ADK: variants seen among roughly 807,000 people sequenced by gnomAD.
ADK encodes the protein adenosine kinase.
ADK carries 24 observed loss-of-function variants against 44.7 expected under a neutral mutation model. The observed-to-expected ratio is 0.54, with a 90% confidence interval of 0.39 to 0.76. The LOEUF is 0.76. Ranked by LOEUF, ADK falls within the 30% of genes least tolerant of loss-of-function variation. The pLI is 0.00. For missense variants in ADK, 321 were observed against 425.1 expected (o/e 0.76, Z 2.15); for synonymous variants, 128 against 142.6 (o/e 0.90, Z 0.73).
chr10:74,410,050 A>G (rs1360885457), intron 6 of ADK, among the ~76,000 whole-genome samples: 1 of 152,188 alleles, frequency 6.6e-6, no homozygotes, highest in African/African-American at 2.4e-5. Context: ...CATCTAAGAA[A>G]TCATATGTTT....
intron 7 of ADK, 77 bp from the exon 8 acceptor site, chr10:74,589,201 CTGAA>C (rs1204758085): frequency 3.4e-5 from 43 of 1,258,924 alleles, no homozygotes; most frequent in Admixed American, 1.0e-4. Flanking sequence ...AAGAAGAAGA[CTGAA>C]TGAGTTTCAA....
chr10:74,643,638 T>C (rs1339600352), intron 9 of ADK, among the ~76,000 whole-genome samples: 1 of 152,224 alleles, frequency 6.6e-6, no homozygotes, highest in Admixed American at 6.5e-5. Flanking sequence ...TGGTTTTAAT[T>C]TCCTGCTTGC....
chr10:74,423,180 T>C (rs921138412), intron 6 of ADK, among the ~76,000 whole-genome samples: 1 of 151,840 alleles, frequency 6.6e-6, no homozygotes, highest in Non-Finnish European at 1.5e-5. Flanking sequence ...GGGGAGGAAA[T>C]GGGAAGAGCA....
chr10:74,528,049 C>A, intron 7 of ADK: 1 of 950,854 alleles, frequency 1.1e-6, no homozygotes, highest in South Asian at 1.3e-5. Flanking sequence ...CCAGAGTAAA[C>A]TCTTAAGATA....
At chr10:74,300,255 C>CCTTGT (rs1839963965) in intron 3 of ADK, among the ~76,000 whole-genome samples, 2 of 85,990 alleles carry the variant, frequency 2.3e-5, no homozygotes, top group African/African-American at 4.3e-5. Flanking sequence ...TCTCTCTCTC[C>CCTTGT]TTGTTTCCTT....
At chr10:74,301,438 C>T (rs532425027) in intron 3 of ADK, among the ~76,000 whole-genome samples, 10 of 147,826 alleles carry the variant, frequency 6.8e-5, no homozygotes, top group South Asian at 2.1e-4. Context: ...CGCTTGAACC[C>T]GGGAGGCGGA....
chr10:74,545,105 T>C (rs1564784749), intron 7 of ADK, among the ~76,000 whole-genome samples: 1 of 152,210 alleles, frequency 6.6e-6, no homozygotes, highest in Non-Finnish European at 1.5e-5. Flanking sequence ...ATTCTACTTT[T>C]TCCTTTTAGT....
intron 9 of ADK, among the ~76,000 whole-genome samples, chr10:74,652,955 G>A (rs948669681): frequency 3.9e-5 from 6 of 152,244 alleles, no homozygotes; most frequent in Non-Finnish European, 5.9e-5. Flanking sequence ...AGAAATGTAC[G>A]ATCAATTCAT....
At chr10:74,372,130 C>T (rs1199599199) in intron 4 of ADK, 3 of 749,718 alleles carry the variant, frequency 4.0e-6, no homozygotes, top group Non-Finnish European at 2.4e-6. Flanking sequence ...GAATTCATGC[C>T]TGATCTCTAC....
intron 9 of ADK, among the ~76,000 whole-genome samples, chr10:74,657,657 C>A (rs1854536010): frequency 6.6e-6 from 1 of 152,082 alleles, no homozygotes; most frequent in African/African-American, 2.4e-5. Flanking sequence ...AAGTTAAAAT[C>A]TAGTAGGAAT....
At chr10:74,460,268 A>G (rs1483957068) in intron 6 of ADK, among the ~76,000 whole-genome samples, 1 of 152,176 alleles carries the variant, frequency 6.6e-6, no homozygotes, top group Non-Finnish European at 1.5e-5. Context: ...GTATACCAAA[A>G]CATCCTCTTG....
At chr10:74,527,379 A>C (rs1019288510) in intron 7 of ADK, among the ~76,000 whole-genome samples, 32 of 152,042 alleles carry the variant, frequency 2.1e-4, no homozygotes, top group African/African-American at 7.5e-4. Flanking sequence ...AAACAAAAAA[A>C]AAAAAACATA....
At chr10:74,689,741 A>G (rs997279656) in intron 10 of ADK, among the ~76,000 whole-genome samples, 6 of 152,238 alleles carry the variant, frequency 3.9e-5, no homozygotes, top group African/African-American at 1.4e-4. Flanking sequence ...AGCCTGGGAC[A>G]TAACCTGTTT....
At chr10:74,431,264 A>G (rs1844988301) in intron 6 of ADK, among the ~76,000 whole-genome samples, 1 of 152,166 alleles carries the variant, frequency 6.6e-6, no homozygotes, top group Admixed American at 6.5e-5. Context: ...ACCAGGTTCC[A>G]AGAGAATGAT....
chr10:74,155,409 G>A (rs1028272929), intron 1 of ADK, among the ~76,000 whole-genome samples: 5 of 152,086 alleles, frequency 3.3e-5, no homozygotes, highest in African/African-American at 1.2e-4. Context: ...GGATTCCTTG[G>A]CTTCCCAAAG....
chr10:74,647,749 A>C (rs541638016), intron 9 of ADK, among the ~76,000 whole-genome samples: 40 of 152,318 alleles, frequency 2.6e-4, no homozygotes, highest in Admixed American at 2.3e-3. Flanking sequence ...TTAGGGAGTA[A>C]TCGATAAACT....
rs140458084 is a variant in ADK, at chr10:74,635,583, A to G, written c.878-34600A>G. Among the ~76,000 whole-genome samples the G allele has an allele frequency of 5.3e-4, 81 of 152,264 alleles. 1 individual carries two copies. The highest frequency in any genetic ancestry group is 1.8e-3 in the African/African-American group (75 of 41,548). ...TAAAAAACAGCAGTTTTATTTTCTC[A>G]TGATTCTCCAGTCAAGGCTAGGCTC... On this transcript the variant is annotated intron_variant, in intron 9 of 10. Transcript: ENST00000539909.
chr10:74,593,290 A>G (rs1458807769), intron 8 of ADK, among the ~76,000 whole-genome samples: 1 of 152,172 alleles, frequency 6.6e-6, no homozygotes, highest in East Asian at 1.9e-4. Flanking sequence ...AATTCTCTTC[A>G]TTTAATCATT....
chr10:74,179,472 C>G (rs538933050), intron 1 of ADK, among the ~76,000 whole-genome samples: 115 of 152,156 alleles, frequency 7.6e-4, no homozygotes, highest in African/African-American at 2.5e-3. Flanking sequence ...GTAAAGAAGC[C>G]AGCAAAAACT....
Sources: gnomAD v4.1 joint callset for allele counts (sites outside exome capture counted in the v4.1 genomes callset) on GRCh38, gnomAD v4.1.1 for gene constraint, MANE v1.5 for transcripts, NCBI Gene and HGNC (gene_info 2026-07-23, HGNC 2026-07-21) for gene names.